NBDY: variants seen among roughly 807,000 people sequenced by gnomAD.
NBDY encodes P-body dissociating protein.
intron 2 of NBDY, among the ~76,000 whole-genome samples, chrX:56,816,842 G>C (rs1302878918): frequency 9.0e-6 from 1 of 111,018 alleles, no homozygotes; most frequent in Admixed American, 9.7e-5. Context: ...TTATGTCTAT[G>C]TTGTTTGAAT....
chrX:56,813,383 C>A (rs981053415), intron 2 of NBDY, among the ~76,000 whole-genome samples: 1 of 110,762 alleles, frequency 9.0e-6, no homozygotes, highest in African/African-American at 3.3e-5. Context: ...AACACAACAG[C>A]GATCCACATT....
intron 2 of NBDY, among the ~76,000 whole-genome samples, chrX:56,735,534 G>A (rs1284953945): frequency 9.0e-6 from 1 of 111,647 alleles, no homozygotes; most frequent in Non-Finnish European, 1.9e-5. Flanking sequence ...AACATTAACA[G>A]CATTCATAAG....
rs1248420553 is a variant in NBDY at position 56,781,322 on chromosome X, C to T, written c.*167-35998C>T. The stretch of plus-strand genomic sequence containing the variant: ...TTCACGTTCCCTCCTGTTCATTTTT[C>T]TTATTGCTTTCTCTCTGCCTTCCCA... On this transcript the variant is annotated intron_variant, in intron 2 of 2. Transcript: ENST00000374922. Among the ~76,000 whole-genome samples, 4 of 111,916 alleles carry T rather than the reference C, an allele frequency of 3.6e-5. No individual in the cohort carries two copies. In the East Asian group the frequency reaches 1.1e-3, roughly 31 times the overall value.
intron 2 of NBDY, among the ~76,000 whole-genome samples, chrX:56,740,676 C>T (rs958419730): frequency 1.8e-5 from 2 of 111,105 alleles, no homozygotes; most frequent in African/African-American, 6.5e-5. Flanking sequence ...ATTTTAGGAA[C>T]TCTTTTTATC....
At chrX:56,784,632 G>A (rs1462603669) in intron 2 of NBDY, among the ~76,000 whole-genome samples, 1 of 111,701 alleles carries the variant, frequency 9.0e-6, no homozygotes, top group Non-Finnish European at 1.9e-5. Context: ...TTCTGCGTGT[G>A]GAAGTAGAGG....
intron 2 of NBDY, among the ~76,000 whole-genome samples, chrX:56,765,705 C>T (rs2069661938): frequency 9.0e-6 from 1 of 110,798 alleles, no homozygotes; most frequent in African/African-American, 3.3e-5. Context: ...TCCTCCTTCT[C>T]CTCTTGCTCC....
intron 2 of NBDY, among the ~76,000 whole-genome samples, chrX:56,797,317 CCTT>C (rs34997328): frequency 1.1e-3 from 120 of 106,887 alleles, no homozygotes; most frequent in African/African-American, 3.6e-3. Context: ...CTTTTCTTCT[CCTT>C]CTTCTTCTAC....
intron 2 of NBDY, among the ~76,000 whole-genome samples, chrX:56,795,023 G>T (rs1240179380): frequency 8.9e-6 from 1 of 111,861 alleles, no homozygotes; most frequent in African/African-American, 3.3e-5. Context: ...TTCACAGTTG[G>T]CTCTTCTGGA....
At chrX:56,792,294 A>G (rs1049339734) in intron 2 of NBDY, among the ~76,000 whole-genome samples, 1 of 111,223 alleles carries the variant, frequency 9.0e-6, no homozygotes, top group African/African-American at 3.3e-5. Flanking sequence ...ATTCTCCTTA[A>G]GGATGTTGGA....
intron 2 of NBDY, among the ~76,000 whole-genome samples, chrX:56,756,082 A>T (rs1235183541): frequency 1.0e-5 from 1 of 97,191 alleles, no homozygotes; most frequent in African/African-American, 3.7e-5. Flanking sequence ...ATAGGTGGGA[A>T]TTGAACAATG....
At chrX:56,737,638 G>T (rs918746604) in intron 2 of NBDY, 7 of 362,403 alleles carry the variant, frequency 1.9e-5, no homozygotes, top group African/African-American at 1.9e-4. Context: ...TTATACACTG[G>T]CTGCTCATCC....
intron 2 of NBDY, among the ~76,000 whole-genome samples, chrX:56,807,013 A>G (rs1222278163): frequency 8.9e-6 from 1 of 111,742 alleles, no homozygotes; most frequent in African/African-American, 3.3e-5. Flanking sequence ...GAAGGGTTCC[A>G]GTTTCACCTT....
At chrX:56,797,342 T>C (rs904181198) in intron 2 of NBDY, among the ~76,000 whole-genome samples, 10 of 109,972 alleles carry the variant, frequency 9.1e-5, no homozygotes, top group Non-Finnish European at 1.5e-4. Flanking sequence ...TGTTCTTCTT[T>C]CTTTCCTTTT....
At chrX:56,802,133 C>T (rs1178878250) in intron 2 of NBDY, among the ~76,000 whole-genome samples, 2 of 111,767 alleles carry the variant, frequency 1.8e-5, no homozygotes, top group Non-Finnish European at 3.8e-5. Flanking sequence ...GGCTCTCAGT[C>T]GGCCACAGGC....
At chrX:56,729,678 T>C in intron 1 of NBDY, 89 bp downstream of exon 1, 1 of 292,254 alleles carries the variant, frequency 3.4e-6, no homozygotes, top group Non-Finnish European at 6.0e-6. Flanking sequence ...CCCTGTTCTT[T>C]CCATGATTTC....
intron 2 of NBDY, among the ~76,000 whole-genome samples, chrX:56,736,379 CG>C (rs1407103661): frequency 8.9e-6 from 1 of 112,041 alleles, no homozygotes; most frequent in East Asian, 2.8e-4. Context: ...ATTCTCCTGC[CG>C]CAGCCTCCCA....
chrX:56,756,918 C>G (rs1358820685), intron 2 of NBDY, among the ~76,000 whole-genome samples: 2 of 110,503 alleles, frequency 1.8e-5, no homozygotes, highest in Non-Finnish European at 3.8e-5. Flanking sequence ...TTGCGCCACT[C>G]CACTCCACCA....
intron 2 of NBDY, among the ~76,000 whole-genome samples, chrX:56,801,308 C>T (rs1271394704): frequency 9.0e-6 from 1 of 110,799 alleles, no homozygotes; most frequent in African/African-American, 3.3e-5. Flanking sequence ...GGTTCTTCTT[C>T]CTCTTCCTCC....
intron 2 of NBDY, among the ~76,000 whole-genome samples, chrX:56,755,443 AG>A (rs1424285303): frequency 8.9e-6 from 1 of 112,290 alleles, no homozygotes; most frequent in Admixed American, 9.4e-5. Flanking sequence ...CAAATTTACA[AG>A]GAAAAAACAA....
Sources: allele counts gnomAD v4.1 joint callset (sites outside exome capture counted in the v4.1 genomes callset), GRCh38; gene constraint gnomAD v4.1.1; transcripts MANE v1.5; gene names NCBI Gene and HGNC (gene_info 2026-07-23, HGNC 2026-07-21).